BABAM2: variants seen among roughly 807,000 people sequenced by gnomAD.
BABAM2 encodes BRISC and BRCA1-A complex member 2.
A neutral mutation model predicts 54.7 loss-of-function variants in BABAM2; 31 were observed. That is an observed-to-expected ratio of 0.57 (90% CI 0.43 to 0.77). BABAM2 has a LOEUF of 0.77. BABAM2 is among the 30% of genes least tolerant of loss of function. The probability of loss-of-function intolerance (pLI) is 0.00; values close to 1 mark genes in which losing one functional copy is unlikely to be tolerated. For missense variants in BABAM2, 364 were observed against 455.8 expected (o/e 0.80, Z 1.83); for synonymous variants, 167 against 162.9 (o/e 1.03, Z -0.19).
intron 6 of BABAM2, among the ~76,000 whole-genome samples, chr2:28,089,037 G>T (rs1665925869): frequency 6.6e-6 from 1 of 151,136 alleles, no homozygotes; most frequent in Non-Finnish European, 1.5e-5. Context: ...AGTGCATTTA[G>T]GGTTTTTTTT....
chr2:28,163,192 G>A (rs774253027), intron 7 of BABAM2, among the ~76,000 whole-genome samples: 1 of 152,040 alleles, frequency 6.6e-6, no homozygotes. Flanking sequence ...CCTCCCAGCC[G>A]GCAGCCACCC....
intron 11 of BABAM2, among the ~76,000 whole-genome samples, chr2:28,337,558 A>G (rs574095105): frequency 1.3e-5 from 2 of 152,338 alleles, no homozygotes; most frequent in Admixed American, 1.3e-4. Flanking sequence ...GGAAAGGCCA[A>G]ACGGGCTGCC....
At chr2:28,236,365 T>TTTTTTC (rs1189470488) in intron 7 of BABAM2, among the ~76,000 whole-genome samples, 1 of 151,744 alleles carries the variant, frequency 6.6e-6, no homozygotes, top group Non-Finnish European at 1.5e-5. Context: ...TCTTTTTTTC[T>TTTTTTC]TTTTTCTTTT....
chr2:28,231,785 CTTTTTTTTTTTTTTTTTTTTTTT>C (rs549515372), intron 7 of BABAM2, among the ~76,000 whole-genome samples: 11 of 57,674 alleles, frequency 1.9e-4, no homozygotes, highest in Admixed American at 2.7e-4. Flanking sequence ...AGAGAGATGT[CTTTTTTTTTTTTTTTTTTTTTTT>C]TTTTTTTTTT....
intron 4 of BABAM2, among the ~76,000 whole-genome samples, chr2:28,023,822 T>G (rs1675445948): frequency 6.6e-6 from 1 of 152,196 alleles, no homozygotes; most frequent in Admixed American, 6.5e-5. Flanking sequence ...TGGTTTGTCC[T>G]TAAGGCAATA....
At chr2:28,063,936 T>G (rs1477869289) in intron 6 of BABAM2, among the ~76,000 whole-genome samples, 1 of 152,178 alleles carries the variant, frequency 6.6e-6, no homozygotes, top group Non-Finnish European at 1.5e-5. Context: ...TTATCCTAAC[T>G]GTATGAACTG....
At chr2:28,180,252 C>G (rs1362251408) in intron 7 of BABAM2, among the ~76,000 whole-genome samples, 2 of 151,976 alleles carry the variant, frequency 1.3e-5, no homozygotes, top group Non-Finnish European at 2.9e-5. Flanking sequence ...CAGCATGATA[C>G]TGGTATGAAA....
intron 6 of BABAM2, among the ~76,000 whole-genome samples, chr2:28,088,350 C>A (rs1665859995): frequency 6.6e-6 from 1 of 152,176 alleles, no homozygotes; most frequent in Non-Finnish European, 1.5e-5. Flanking sequence ...TTTCTCCTGA[C>A]ATTTGCCATT....
chr2:28,264,046 T>C (rs1684768031), intron 10 of BABAM2, among the ~76,000 whole-genome samples: 1 of 152,182 alleles, frequency 6.6e-6, no homozygotes, highest in Admixed American at 6.5e-5. Flanking sequence ...CAACCACCCA[T>C]CAATTTTTGC....
At chr2:28,192,823 A>G (rs567143684) in intron 7 of BABAM2, among the ~76,000 whole-genome samples, 37 of 151,700 alleles carry the variant, frequency 2.4e-4, no homozygotes, top group Admixed American at 5.3e-4. Context: ...CGCCCGGCCT[A>G]TAGCTCCTTT....
At chr2:28,260,941 C>CTTTT (rs34766123) in intron 10 of BABAM2, among the ~76,000 whole-genome samples, 2 of 110,798 alleles carry the variant, frequency 1.8e-5, no homozygotes, top group Non-Finnish European at 3.8e-5. Flanking sequence ...CATTTTCTTT[C>CTTTT]TTTTTTTTTT....
At chr2:28,124,026 A>G (rs1295683733) in intron 6 of BABAM2, among the ~76,000 whole-genome samples, 2 of 152,226 alleles carry the variant, frequency 1.3e-5, no homozygotes, top group South Asian at 2.1e-4. Flanking sequence ...AAAGCCCCCA[A>G]TTATAAAGGA....
intron 5 of BABAM2, among the ~76,000 whole-genome samples, chr2:28,026,948 T>TAATATATATA (rs1558667984): frequency 5.5e-5 from 4 of 73,378 alleles, no homozygotes; most frequent in Admixed American, 2.5e-4. Flanking sequence ...AAATATATAT[T>TAATATATATA]AATATATATA....
chr2:28,261,175 C>T (rs1233034137), intron 10 of BABAM2, among the ~76,000 whole-genome samples: 4 of 152,062 alleles, frequency 2.6e-5, no homozygotes, highest in African/African-American at 9.7e-5. Context: ...CTCCTGACCT[C>T]AAGTGATCCA....
intron 3 of BABAM2, among the ~76,000 whole-genome samples, chr2:27,944,962 T>C (rs1237904183): frequency 6.6e-6 from 1 of 152,144 alleles, no homozygotes; most frequent in Admixed American, 6.5e-5. Context: ...CCTTTTTTTC[T>C]TGCCAACATT....
chr2:28,082,549 A>G (rs1665269737), intron 6 of BABAM2, among the ~76,000 whole-genome samples: 1 of 152,164 alleles, frequency 6.6e-6, no homozygotes, highest in Non-Finnish European at 1.5e-5. Flanking sequence ...TCACAGTGTT[A>G]AGTTGTGAGG....
At chr2:28,272,406 A>T (rs1685493333) in intron 10 of BABAM2, among the ~76,000 whole-genome samples, 1 of 152,240 alleles carries the variant, frequency 6.6e-6, no homozygotes, top group East Asian at 1.9e-4. Flanking sequence ...AAAGTGGAGT[A>T]GTGATGGAAC....
At chr2:28,211,820 TG>T (rs1233476176) in intron 7 of BABAM2, among the ~76,000 whole-genome samples, 2 of 152,236 alleles carry the variant, frequency 1.3e-5, no homozygotes, top group African/African-American at 4.8e-5. Context: ...AGAAAAATTT[TG>T]TATCACAATA....
intron 4 of BABAM2, among the ~76,000 whole-genome samples, chr2:28,006,609 A>G (rs987328674): frequency 6.6e-6 from 1 of 152,058 alleles, no homozygotes; most frequent in Non-Finnish European, 1.5e-5. Flanking sequence ...GTCCCTAACT[A>G]TATCACTCTT....
Sources: allele counts gnomAD v4.1 joint callset (sites outside exome capture counted in the v4.1 genomes callset), GRCh38; gene constraint gnomAD v4.1.1; transcripts MANE v1.5; gene names NCBI Gene and HGNC (gene_info 2026-07-23, HGNC 2026-07-21).